The following DTL variants were observed in gnomAD, a reference collection of about 807,000 sequenced individuals.
The protein encoded by DTL is denticleless protein homolog.
Under a neutral mutation model 87.0 loss-of-function variants are expected in DTL, and 46 were observed. The ratio of observed to expected loss-of-function variants is 0.53; its 90% CI spans 0.42 to 0.68. DTL has a LOEUF of 0.68. Ranked by LOEUF, DTL falls within the 30% of genes least tolerant of loss-of-function variation. The probability of loss-of-function intolerance (pLI) is 0.00; values close to 1 mark genes in which losing one functional copy is unlikely to be tolerated. For missense variants in DTL, 737 were observed against 869.4 expected, an observed-to-expected ratio of 0.85 and a Z score of 1.91; for synonymous variants, 308 against 311.2, an observed-to-expected ratio of 0.99 and a Z score of 0.11.
intron 11 of DTL, among the ~76,000 whole-genome samples, chr1:212,076,147 A>G (rs752068002): frequency 2.0e-5 from 3 of 152,166 alleles, no homozygotes; most frequent in Non-Finnish European, 4.4e-5. Flanking sequence ...ATTTTTTGAC[A>G]TGAATAAAGC....
At chr1:212,063,638 C>A (rs1654402869) in intron 6 of DTL, among the ~76,000 whole-genome samples, 2 of 152,230 alleles carry the variant, frequency 1.3e-5, no homozygotes, top group African/African-American at 2.4e-5. Context: ...ATGGTTGTCT[C>A]ATGATGCTAT....
intron 10 of DTL, among the ~76,000 whole-genome samples, chr1:212,068,984 T>C (rs1654591349): frequency 6.6e-6 from 1 of 152,228 alleles, no homozygotes; most frequent in African/African-American, 2.4e-5. Context: ...AATTTTTTAT[T>C]TAATAAGCTG....
intron 5 of DTL, among the ~76,000 whole-genome samples, chr1:212,049,082 C>T (rs1281164002): frequency 6.6e-6 from 1 of 152,074 alleles, no homozygotes; most frequent in Non-Finnish European, 1.5e-5. Context: ...ACCACCACGC[C>T]CAGCTAATTT....
intron 13 of DTL, among the ~76,000 whole-genome samples, chr1:212,089,117 G>C (rs562946303): frequency 6.6e-6 from 1 of 152,256 alleles, no homozygotes; most frequent in African/African-American, 2.4e-5. Context: ...CAAACTGTTA[G>C]TAGACTCTGT....
Position 212,100,523 on chromosome 1 carries a change from A to C in DTL, c.1533A>C (p.Ser511=), listed in dbSNP as rs144105202. Residue 511 remains serine, a synonymous_variant, in exon 14 of 15, where the codon TCA becomes TCC. Transcript: ENST00000366991. ...IRNWVTRTPS[S]SPPITPPASE... is the part of the protein sequence containing the mutation. ...ACTGGGTGACCCGAACACCTTCCTC[A>C]TCACCACCCATCACTCCACCTGCTT... 19 of 1,613,826 alleles carry C rather than the reference A, an allele frequency of 1.2e-5. No individual in the cohort carries two copies. In the African/African-American group the frequency reaches 2.1e-4, roughly 18 times the overall value.
intron 13 of DTL, among the ~76,000 whole-genome samples, chr1:212,090,394 C>T (rs1655249582): frequency 6.6e-6 from 1 of 152,104 alleles, no homozygotes; most frequent in Admixed American, 6.5e-5. Flanking sequence ...ATCAGCCCAT[C>T]CTAAATTCAG....
chr1:212,072,064 A>G lies in DTL; in HGVS notation c.923-37A>G. On this transcript the variant is annotated intron_variant, in intron 10 of 14. Transcript: ENST00000366991. ...TATATCCATTTGACCACTAGAAATA[A>G]CAAGAGCCAAGTAATTTGGTTTTTT... is the stretch of plus-strand genomic sequence containing the variant. 2.0e-6 allele frequency: 3 copies of G among 1,472,804 alleles called. No homozygotes were observed. In the South Asian group the frequency reaches 3.4e-5, roughly 17 times the overall value. The allele number at this position is 1,472,804 out of a possible 1,614,324, so 91.2% of individuals were successfully genotyped here. A position where few individuals can be genotyped will look rare whatever the true frequency, so the allele number is the denominator to read the frequency against.
intron 9 of DTL, 46 bp downstream of exon 9, chr1:212,068,373 A>T (rs77596575): frequency 7.6e-3 from 770 of 101,690 alleles, no homozygotes; most frequent in South Asian, 0.017. Flanking sequence ...GTTTTTGTTT[A>T]AAAAAAAAAA....
At position 212,068,719 on chromosome 1, in the gene DTL, T is replaced by C. The variant is rs1654584779; in HGVS notation, c.922+16T>C. On this transcript the variant is annotated intron_variant, in intron 10 of 14. Transcript: ENST00000366991. ...ACTTCTCCAGGTAAGATATTAGTCA[T>C]TCAAATTCTCTTACCAGGAAAGCAT... 3.3e-6 allele frequency: 5 copies of C among 1,506,388 alleles called. No homozygotes were observed. In the African/African-American group the frequency reaches 5.5e-5, roughly 17 times the overall value. The allele number at this position is 1,506,388 out of a possible 1,614,324, so 93.3% of individuals were successfully genotyped here.
At chr1:212,042,877 G>C in intron 1 of DTL, 116 bp from the exon 2 acceptor site, 4 of 944,872 alleles carry the variant, frequency 4.2e-6, no homozygotes, top group Non-Finnish European at 6.1e-6. Flanking sequence ...TTAATAGTAA[G>C]TGGATCTATG....
chr1:212,080,628 C>G lies in DTL; in HGVS notation c.1139C>G (p.Ser380Cys). The G allele has an allele frequency of 6.2e-7, 1 of 1,612,982 alleles. No homozygotes were observed. The highest frequency in any genetic ancestry group is 8.5e-7 in the Non-Finnish European group (1 of 1,179,344). The part of the protein sequence containing the change: ...PSDFTKIATC[S>C]DDNTLKIWRL... ...ACTCCCTCTTAGATTGCTACCTGTT[C>G]TGATGACAATACACTAAAAATCTGG... is the stretch of plus-strand genomic sequence containing the variant. The change falls in exon 13 of 15, where the codon TCT becomes TGT. Residue 380 changes from serine to cysteine, a missense_variant. Physicochemically the swap from Ser to Cys is moderately radical, Grantham distance 112 (BLOSUM62 -1). Transcript: ENST00000366991.
At chr1:212,095,537 T>G (rs1655420763) in intron 13 of DTL, among the ~76,000 whole-genome samples, 1 of 152,128 alleles carries the variant, frequency 6.6e-6, no homozygotes, top group African/African-American at 2.4e-5. Flanking sequence ...GGTTTCACCA[T>G]GTTGGCCAGG....
chr1:212,098,134 G>C (rs2102586271), intron 13 of DTL, among the ~76,000 whole-genome samples: 2 of 152,316 alleles, frequency 1.3e-5, no homozygotes, highest in South Asian at 4.1e-4. Flanking sequence ...GGTAGGAAAG[G>C]AGTGAAGTGG....
intron 1 of DTL, among the ~76,000 whole-genome samples, chr1:212,037,047 C>T (rs1357941227): frequency 1.3e-5 from 2 of 152,176 alleles, no homozygotes; most frequent in African/African-American, 2.4e-5. Context: ...TCTGTCTCTC[C>T]TGGGACCTTG....
intron 5 of DTL, among the ~76,000 whole-genome samples, chr1:212,051,100 T>A (rs1667956516): frequency 6.6e-6 from 1 of 152,162 alleles, no homozygotes; most frequent in African/African-American, 2.4e-5. Context: ...CTTTTTTTGC[T>A]TTCAACCTAT....
At chr1:212,053,078 A>G (rs1305807513) in intron 5 of DTL, among the ~76,000 whole-genome samples, 1 of 152,170 alleles carries the variant, frequency 6.6e-6, no homozygotes, top group Non-Finnish European at 1.5e-5. Flanking sequence ...ATGATACAAT[A>G]TGTGGTCTTC....
chr1:212,098,078 T>G (rs184450319), intron 13 of DTL, among the ~76,000 whole-genome samples: 1 of 152,294 alleles, frequency 6.6e-6, no homozygotes, highest in East Asian at 1.9e-4. Context: ...GTGATCTGTC[T>G]TCAGGTCTGT....
Position 212,066,875 on chromosome 1 carries a change from G to A in DTL, c.703G>A (p.Ala235Thr). 1 of 1,613,636 alleles carries A rather than the reference G, an allele frequency of 6.2e-7. No homozygotes were observed. The highest frequency in any genetic ancestry group is 8.5e-7 in the Non-Finnish European group (1 of 1,179,588). The part of the protein sequence containing the change: ...QDENTLVSAG[A>T]VDGIIKVWDL... The stretch of plus-strand genomic sequence containing the variant: ...CGAGAATACCTTAGTCTCAGCAGGA[G>A]CTGTGGATGGGTAAGAGTCTATTTC... The change falls in exon 8 of 15, where the codon GCT becomes ACT. Residue 235 changes from alanine to threonine, a missense_variant. Transcript: ENST00000366991.
intron 11 of DTL, among the ~76,000 whole-genome samples, chr1:212,074,045 T>C (rs1312185361): frequency 6.6e-6 from 1 of 151,810 alleles, no homozygotes; most frequent in Non-Finnish European, 1.5e-5. Context: ...GTTTGTTTCT[T>C]GTTAAAAAAA....
Sources: gnomAD v4.1 joint callset for allele counts (sites outside exome capture counted in the v4.1 genomes callset) on GRCh38, gnomAD v4.1.1 for gene constraint, MANE v1.5 for transcripts, NCBI Gene and HGNC (gene_info 2026-07-23, HGNC 2026-07-21) for gene names.